Variants in ARHGAP22 observed in about 807,000 individuals in gnomAD.
ARHGAP22 encodes the protein Rho GTPase activating protein 22.
In ARHGAP22, 48 loss-of-function variants were observed where a neutral mutation model predicts 59.1. The observed-to-expected ratio is 0.81, with a 90% CI of 0.64 to 1.03. The LOEUF (loss-of-function observed/expected upper bound fraction) is 1.03, where lower values mean the gene tolerates loss of function less well. Ranked by LOEUF, ARHGAP22 falls within the 50% of genes least tolerant of loss-of-function variation. The probability of loss-of-function intolerance (pLI) is 0.00; values close to 1 mark genes in which losing one functional copy is unlikely to be tolerated. For missense variants in ARHGAP22, 1,015 were observed against 958.7 expected, an observed-to-expected ratio of 1.06 and a Z score of -0.78; for synonymous variants, 445 against 416.4, an observed-to-expected ratio of 1.07 and a Z score of -0.84.
intron 4 of ARHGAP22, among the ~76,000 whole-genome samples, chr10:48,467,772 A>C (rs898240638): frequency 4.5e-4 from 68 of 152,346 alleles, no homozygotes; most frequent in African/African-American, 1.6e-3. Context: ...GCCTGAGTTT[A>C]AGACCAGCTT....
At chr10:48,531,261 G>A (rs2054819089) in intron 3 of ARHGAP22, among the ~76,000 whole-genome samples, 1 of 152,118 alleles carries the variant, frequency 6.6e-6, no homozygotes, top group Admixed American at 6.5e-5. Flanking sequence ...GGACTTTGGG[G>A]AATTGGGGGA....
intron 3 of ARHGAP22, among the ~76,000 whole-genome samples, chr10:48,518,220 G>T (rs542692964): frequency 6.6e-6 from 1 of 152,204 alleles, no homozygotes; most frequent in South Asian, 2.1e-4. Flanking sequence ...TGTGGTTCCA[G>T]GCCTCAGATC....
chr10:48,457,216 C>T (rs1437542069), intron 5 of ARHGAP22, among the ~76,000 whole-genome samples: 1 of 152,116 alleles, frequency 6.6e-6, no homozygotes, highest in African/African-American at 2.4e-5. Context: ...ACACGCCATG[C>T]CTCCAGCCTG....
intron 1 of ARHGAP22, among the ~76,000 whole-genome samples, chr10:48,633,636 T>C (rs948864374): frequency 5.4e-4 from 82 of 152,220 alleles, no homozygotes; most frequent in African/African-American, 1.9e-3. Context: ...AAGCAGGTGG[T>C]AGAACCTGGA....
At chr10:48,501,069 G>T (rs1008537452) in intron 3 of ARHGAP22, among the ~76,000 whole-genome samples, 4 of 152,162 alleles carry the variant, frequency 2.6e-5, no homozygotes, top group African/African-American at 9.7e-5. Flanking sequence ...GCAAAGAAAA[G>T]AAAGTGAAAA....
chr10:48,655,700 G>C (rs1404647253), upstream of ARHGAP22: 1 of 153,330 alleles, frequency 6.5e-6, no homozygotes, highest in Non-Finnish European at 1.5e-5. Context: ...CGCGCCGTGG[G>C]AGCTGGAGAG....
intron 1 of ARHGAP22, among the ~76,000 whole-genome samples, chr10:48,590,442 G>T (rs2059683018): frequency 6.6e-6 from 1 of 152,062 alleles, no homozygotes. Context: ...GCAAGGAGGT[G>T]CCCTGTAGCA....
chr10:48,600,405 C>T (rs1231147290), intron 1 of ARHGAP22, among the ~76,000 whole-genome samples: 2 of 152,092 alleles, frequency 1.3e-5, no homozygotes, highest in Non-Finnish European at 2.9e-5. Flanking sequence ...ACTTTCTGGG[C>T]TTAAGGAAAA....
intron 1 of ARHGAP22, among the ~76,000 whole-genome samples, chr10:48,616,209 TTTAAA>T (rs1419908814): frequency 6.6e-6 from 1 of 152,218 alleles, no homozygotes; most frequent in African/African-American, 2.4e-5. Context: ...ATAAAGTCTT[TTTAAA>T]TTAAATTATA....
chr10:48,599,981 A>G (rs1366257159), intron 1 of ARHGAP22, among the ~76,000 whole-genome samples: 3 of 152,176 alleles, frequency 2.0e-5, no homozygotes, highest in African/African-American at 7.2e-5. Context: ...GCAGCACTAG[A>G]TTTGGGAGGG....
chr10:48,553,723 G>A (rs111696525), intron 3 of ARHGAP22, among the ~76,000 whole-genome samples: 145 of 152,154 alleles, frequency 9.5e-4, no homozygotes, highest in African/African-American at 2.6e-3. Context: ...TTCTCCTACC[G>A]CCCCCAACAC....
At chr10:48,586,609 C>G (rs1564941084) in intron 1 of ARHGAP22, among the ~76,000 whole-genome samples, 1 of 152,178 alleles carries the variant, frequency 6.6e-6, no homozygotes, top group Non-Finnish European at 1.5e-5. Flanking sequence ...CTGTATTACA[C>G]CAAACAATTA....
At chr10:48,621,960 CCCT>C (rs2061300899) in intron 1 of ARHGAP22, among the ~76,000 whole-genome samples, 1 of 151,940 alleles carries the variant, frequency 6.6e-6, no homozygotes, top group African/African-American at 2.4e-5. Context: ...TTAGTGTAGC[CCCT>C]CCTCCTCTCC....
downstream of ARHGAP22, chr10:48,443,823 TAAGAC>T (rs1440452873): frequency 4.6e-5 from 7 of 152,178 alleles, no homozygotes; most frequent in Admixed American, 1.3e-4. Flanking sequence ...AAAAGCCAAT[TAAGAC>T]AAGGAATCTT....
At chr10:48,589,900 A>C (rs949408724) in intron 1 of ARHGAP22, among the ~76,000 whole-genome samples, 1 of 152,190 alleles carries the variant, frequency 6.6e-6, no homozygotes, top group Non-Finnish European at 1.5e-5. Flanking sequence ...TACTACACAC[A>C]GAGGAAAATC....
chr10:48,472,768 C>T (rs1037667689), intron 4 of ARHGAP22, among the ~76,000 whole-genome samples: 31 of 151,916 alleles, frequency 2.0e-4, no homozygotes, highest in African/African-American at 7.3e-4. Context: ...CCTCTTTCAA[C>T]ACCGTATGAA....
Position 48,446,333 on chromosome 10 carries a change from C to T in ARHGAP22, c.*58G>A. On this transcript the variant is annotated 3_prime_UTR_variant, in exon 10 of 10. Transcript: ENST00000249601. ...GCTCCAGAGATACAGACGCTTCTAA[C>T]TCCATACAAGGCTGGAGACCAGCAG... The T allele has an allele frequency of 6.3e-7, 1 of 1,583,406 alleles. No homozygotes were observed. The highest frequency in any genetic ancestry group is 1.7e-5 in the Admixed American group (1 of 58,218).
intron 3 of ARHGAP22, among the ~76,000 whole-genome samples, chr10:48,480,263 CA>C (rs1288053574): frequency 2.6e-5 from 4 of 152,136 alleles, no homozygotes; most frequent in Non-Finnish European, 5.9e-5. Flanking sequence ...AACCAGGATG[CA>C]GCACAGCACC....
intron 1 of ARHGAP22, among the ~76,000 whole-genome samples, chr10:48,639,987 T>C (rs779366229): frequency 4.6e-5 from 7 of 152,058 alleles, no homozygotes; most frequent in Non-Finnish European, 7.4e-5. Flanking sequence ...CATAGGACAA[T>C]AATAAATCAA....
Sources: allele counts gnomAD v4.1 joint callset (sites outside exome capture counted in the v4.1 genomes callset), GRCh38; gene constraint gnomAD v4.1.1; transcripts MANE v1.5; gene names NCBI Gene and HGNC (gene_info 2026-07-23, HGNC 2026-07-21).